ADCY2: variants seen among roughly 807,000 people sequenced by gnomAD.
ADCY2 encodes the protein adenylate cyclase type 2.
In ADCY2, 31 loss-of-function variants were observed where a neutral mutation model predicts 125.2. The observed-to-expected ratio is 0.25, with a 90% CI of 0.19 to 0.33. ADCY2 has a LOEUF of 0.33. ADCY2 is among the 10% of genes least tolerant of loss of function. The pLI, the probability that ADCY2 is intolerant of heterozygous loss-of-function variation, is 1.00. For missense variants in ADCY2, 904 were observed against 1,418.2 expected (o/e 0.64, Z 5.82); for synonymous variants, 512 against 548.4 (o/e 0.93, Z 0.93).
intron 4 of ADCY2, among the ~76,000 whole-genome samples, chr5:7,630,824 T>G (rs1472231652): frequency 6.6e-6 from 1 of 150,406 alleles, no homozygotes; most frequent in Non-Finnish European, 1.5e-5. Flanking sequence ...TCTGGCTCTG[T>G]CACCCAGGCT....
chr5:7,694,843 C>T (rs776813621), intron 5 of ADCY2, among the ~76,000 whole-genome samples: 2 of 152,040 alleles, frequency 1.3e-5, no homozygotes, highest in Admixed American at 6.5e-5. Context: ...TTTTGAGGAC[C>T]GAACATATTG....
chr5:7,708,843 G>A (rs1336894219), intron 9 of ADCY2, among the ~76,000 whole-genome samples: 4 of 152,038 alleles, frequency 2.6e-5, no homozygotes, highest in African/African-American at 7.2e-5. Flanking sequence ...ACCAAAACAC[G>A]ATGTTTGGGG....
chr5:7,436,771 A>G (rs1288030484), intron 2 of ADCY2, among the ~76,000 whole-genome samples: 1 of 152,222 alleles, frequency 6.6e-6, no homozygotes, highest in Non-Finnish European at 1.5e-5. Flanking sequence ...GAGCCTAAGG[A>G]TAACATGCCA....
At chr5:7,487,155 A>G (rs1371423333) in intron 2 of ADCY2, among the ~76,000 whole-genome samples, 1 of 152,218 alleles carries the variant, frequency 6.6e-6, no homozygotes, top group Non-Finnish European at 1.5e-5. Flanking sequence ...ATGGTCCTTG[A>G]TATGAGACAG....
At chr5:7,637,859 G>A (rs1481056761) in intron 4 of ADCY2, among the ~76,000 whole-genome samples, 1 of 152,204 alleles carries the variant, frequency 6.6e-6, no homozygotes, top group East Asian at 1.9e-4. Context: ...GCTATCCAGA[G>A]CATGAGAGTT....
At chr5:7,618,249 G>T (rs1450949322) in intron 3 of ADCY2, among the ~76,000 whole-genome samples, 1 of 152,110 alleles carries the variant, frequency 6.6e-6, no homozygotes, top group Non-Finnish European at 1.5e-5. Flanking sequence ...TCAATGTTTA[G>T]GCCCATATCC....
At chr5:7,499,101 G>T (rs1466558414) in intron 2 of ADCY2, among the ~76,000 whole-genome samples, 1 of 152,062 alleles carries the variant, frequency 6.6e-6, no homozygotes, top group Non-Finnish European at 1.5e-5. Context: ...TCTGCCTCCC[G>T]GGTTCAAGCA....
At chr5:7,420,143 C>T (rs895636985) in intron 2 of ADCY2, among the ~76,000 whole-genome samples, 1 of 152,162 alleles carries the variant, frequency 6.6e-6, no homozygotes, top group Non-Finnish European at 1.5e-5. Flanking sequence ...ACTGTCATCT[C>T]GCGGGCAGAA....
At chr5:7,806,409 T>A (rs1162625751) in intron 22 of ADCY2, among the ~76,000 whole-genome samples, 4 of 152,158 alleles carry the variant, frequency 2.6e-5, no homozygotes, top group Non-Finnish European at 2.9e-5. Context: ...AGGACCTATG[T>A]GTCTTAGTCT....
chr5:7,443,248 A>G (rs969394260), intron 2 of ADCY2, among the ~76,000 whole-genome samples: 10 of 152,146 alleles, frequency 6.6e-5, no homozygotes, highest in Non-Finnish European at 1.3e-4. Context: ...AACATTTCTT[A>G]TTTAAATTTA....
chr5:7,615,102 T>G (rs898329223), intron 3 of ADCY2, among the ~76,000 whole-genome samples: 1 of 152,096 alleles, frequency 6.6e-6, no homozygotes, highest in Non-Finnish European at 1.5e-5. Context: ...TGCTACACAC[T>G]TGTAAACAGC....
At chr5:7,401,823 G>A (rs1310313842) in intron 1 of ADCY2, among the ~76,000 whole-genome samples, 1 of 152,184 alleles carries the variant, frequency 6.6e-6, no homozygotes, top group Non-Finnish European at 1.5e-5. Context: ...TGTGTTGAAG[G>A]TGTTTTGTGT....
At chr5:7,610,750 C>T (rs926055176) in intron 3 of ADCY2, among the ~76,000 whole-genome samples, 2 of 152,078 alleles carry the variant, frequency 1.3e-5, no homozygotes, top group Admixed American at 6.5e-5. Flanking sequence ...GGCTTAGACT[C>T]CCTGTTGCCT....
At chr5:7,584,778 A>G (rs1736568282) in intron 3 of ADCY2, among the ~76,000 whole-genome samples, 1 of 152,152 alleles carries the variant, frequency 6.6e-6, no homozygotes, top group Non-Finnish European at 1.5e-5. Context: ...ATTTTTACAA[A>G]TATATACAAT....
At chr5:7,517,143 G>A (rs1427207957) in intron 2 of ADCY2, among the ~76,000 whole-genome samples, 1 of 152,168 alleles carries the variant, frequency 6.6e-6, no homozygotes, top group Non-Finnish European at 1.5e-5. Flanking sequence ...CAAAAGGCAA[G>A]TGCGGAGCTG....
At chr5:7,435,363 T>C (rs941186158) in intron 2 of ADCY2, among the ~76,000 whole-genome samples, 1 of 152,226 alleles carries the variant, frequency 6.6e-6, no homozygotes, top group African/African-American at 2.4e-5. Flanking sequence ...TCTCGCTGCC[T>C]GATGCCTCTT....
chr5:7,506,185 G>A (rs922657311), intron 2 of ADCY2, among the ~76,000 whole-genome samples: 2 of 152,120 alleles, frequency 1.3e-5, no homozygotes, highest in Non-Finnish European at 2.9e-5. Flanking sequence ...CATAGATTCA[G>A]CCTAGTATGG....
At chr5:7,774,396 C>G (rs902945465) in intron 18 of ADCY2, among the ~76,000 whole-genome samples, 2 of 152,316 alleles carry the variant, frequency 1.3e-5, no homozygotes, top group Non-Finnish European at 2.9e-5. Flanking sequence ...TACTATTGCT[C>G]TACTATATCC....
At chr5:7,521,860 A>G (rs2126534020) in intron 3 of ADCY2, among the ~76,000 whole-genome samples, 2 of 152,322 alleles carry the variant, frequency 1.3e-5, no homozygotes, top group South Asian at 4.1e-4. Context: ...CATCACATTC[A>G]TTAAGAGTAG....
Sources: allele counts gnomAD v4.1 joint callset (sites outside exome capture counted in the v4.1 genomes callset), GRCh38; gene constraint gnomAD v4.1.1; transcripts MANE v1.5; gene names NCBI Gene and HGNC (gene_info 2026-07-23, HGNC 2026-07-21).